Variants in SCEL observed in about 807,000 individuals in gnomAD.
The protein encoded by SCEL is sciellin.
A neutral mutation model predicts 117.6 loss-of-function variants in SCEL; 113 were observed. The observed-to-expected ratio is 0.96, with a 90% confidence interval of 0.83 to 1.12. The LOEUF is 1.12. SCEL is among the 50% of genes most tolerant of loss of function. SCEL has a pLI of 0.00. For missense variants in SCEL, 785 were observed against 810.8 expected (o/e 0.97, Z 0.39); for synonymous variants, 270 against 256.2 (o/e 1.05, Z -0.51).
At chr13:77,569,830 C>G (rs993197559) in intron 8 of SCEL, among the ~76,000 whole-genome samples, 2 of 152,168 alleles carry the variant, frequency 1.3e-5, no homozygotes, top group East Asian at 1.9e-4. Context: ...ATTGGGCTGG[C>G]CTTGCTTCCA....
At chr13:77,637,956 T>C (rs1006957731) in intron 30 of SCEL, among the ~76,000 whole-genome samples, 3 of 152,182 alleles carry the variant, frequency 2.0e-5, no homozygotes, top group African/African-American at 7.2e-5. Context: ...GGCATGCAGA[T>C]TTCCAGTGAA....
At chr13:77,549,483 C>T (rs1743315233) in intron 1 of SCEL, among the ~76,000 whole-genome samples, 1 of 152,174 alleles carries the variant, frequency 6.6e-6, no homozygotes, top group African/African-American at 2.4e-5. Flanking sequence ...TGCTATACCC[C>T]ATTGTTAGTT....
chr13:77,590,747 G>A (rs1197817635), intron 10 of SCEL, among the ~76,000 whole-genome samples: 1 of 152,140 alleles, frequency 6.6e-6, no homozygotes, highest in East Asian at 1.9e-4. Flanking sequence ...TGAAATGGAA[G>A]TGTTTCCTAT....
chr13:77,567,214 G>A (rs1567358465), intron 5 of SCEL, among the ~76,000 whole-genome samples: 1 of 152,194 alleles, frequency 6.6e-6, no homozygotes, highest in Non-Finnish European at 1.5e-5. Context: ...AGCACTTTAG[G>A]AGGTGGAGGC....
chr13:77,586,767 A>T (rs553402357), intron 9 of SCEL, among the ~76,000 whole-genome samples: 2 of 152,254 alleles, frequency 1.3e-5, no homozygotes, highest in South Asian at 4.2e-4. Flanking sequence ...CAGCATTTGG[A>T]GGGTTTATGC....
At chr13:77,566,184 G>A (rs764566527) in intron 5 of SCEL, among the ~76,000 whole-genome samples, 4 of 152,074 alleles carry the variant, frequency 2.6e-5, no homozygotes, top group Non-Finnish European at 5.9e-5. Flanking sequence ...ATGAGTTTTG[G>A]GAACAATCAT....
chr13:77,591,190 A>G (rs1002809614), intron 10 of SCEL, among the ~76,000 whole-genome samples: 1 of 152,188 alleles, frequency 6.6e-6, no homozygotes, highest in Non-Finnish European at 1.5e-5. Context: ...TGGTTTACAA[A>G]TATGCGATAA....
intron 4 of SCEL, among the ~76,000 whole-genome samples, chr13:77,562,669 G>A (rs980592797): frequency 1.3e-5 from 2 of 152,156 alleles, no homozygotes; most frequent in African/African-American, 4.8e-5. Flanking sequence ...GCTCTGTGTA[G>A]ATAGCAGCTA....
chr13:77,632,553 A>G (rs571170711), intron 28 of SCEL, among the ~76,000 whole-genome samples: 6 of 152,212 alleles, frequency 3.9e-5, no homozygotes, highest in Non-Finnish European at 5.9e-5. Context: ...GGTTTTCTGT[A>G]TGCCAGAGAT....
chr13:77,599,958 C>G, intron 15 of SCEL: 1 of 538,154 alleles, frequency 1.9e-6, no homozygotes, highest in East Asian at 3.0e-5. Context: ...CTGGAGAGCT[C>G]TGTTTCCTCA....
intron 8 of SCEL, among the ~76,000 whole-genome samples, chr13:77,569,859 CT>C (rs60712110): frequency 2.0e-4 from 30 of 152,294 alleles, no homozygotes; most frequent in Non-Finnish European, 4.0e-4. Flanking sequence ...GTCAAAGACC[CT>C]TTCTGGAGAC....
rs1370187282 is a variant in SCEL, at chr13:77,612,915, C to G, written c.1362C>G (p.Ile454Met). 6.4e-7 allele frequency: 1 copy of G among 1,561,682 alleles called. No individual in the cohort carries two copies. Among genetic ancestry groups the G allele is most frequent in the Admixed American group, 1.9e-5 (1 of 51,678 alleles). Residue 454 changes from isoleucine to methionine, a missense_variant, in exon 23 of 33, where the codon ATC (isoleucine) becomes ATG (methionine). Ile to Met is a conservative substitution (Grantham distance 10, BLOSUM62 1). Transcript: ENST00000349847. Reference sequence around the variant, plus strand: ...GGAACCAAGACTTGGAAAATCTTATCAAAGTGATCCCTTCAGCAAACAAAA... The same window carrying G: ...GGAACCAAGACTTGGAAAATCTTATGAAAGTGATCCCTTCAGCAAACAAAA... Reference protein sequence around the residue: ...NQGNQDLENLIKVIPSANKSS... With the variant: ...NQGNQDLENLMKVIPSANKSS...
chr13:77,546,814 C>T (rs78915293), intron 1 of SCEL, among the ~76,000 whole-genome samples: 2,799 of 152,218 alleles, frequency 0.018, 37 homozygotes, highest in Non-Finnish European at 0.029. Context: ...GGAACCGGGT[C>T]CCTTCTAACT....
At chr13:77,612,456 CTTTTTTTTTT>C (rs71102764) in intron 22 of SCEL, among the ~76,000 whole-genome samples, 28,975 of 95,134 alleles carry the variant, frequency 0.3, 3,994 homozygotes, top group African/African-American at 0.47. Context: ...TTTTTCTTTT[CTTTTTTTTTT>C]TTTTTTTTTT....
intron 27 of SCEL, among the ~76,000 whole-genome samples, chr13:77,619,975 T>A (rs928934458): frequency 6.6e-6 from 1 of 152,184 alleles, no homozygotes; most frequent in Admixed American, 6.5e-5. Context: ...GAGGCCAATT[T>A]GGTAGAAAGT....
chr13:77,616,002 C>G (rs968880351), intron 24 of SCEL, among the ~76,000 whole-genome samples: 26 of 141,918 alleles, frequency 1.8e-4, no homozygotes, highest in Non-Finnish European at 2.8e-4. Context: ...ATTTATGTCT[C>G]TCTGTGTGTG....
intron 7 of SCEL, 91 bp downstream of exon 7, chr13:77,568,424 A>G (rs1413207569): frequency 2.6e-5 from 19 of 726,916 alleles, no homozygotes; most frequent in Non-Finnish European, 4.5e-5. Context: ...ATTGGAATAC[A>G]GCCATGCCCC....
At chr13:77,588,058 T>C (rs529238720) in intron 9 of SCEL, among the ~76,000 whole-genome samples, 1 of 152,310 alleles carries the variant, frequency 6.6e-6, no homozygotes, top group East Asian at 1.9e-4. Context: ...TATATCTCCT[T>C]ATTCTGTTTT....
intron 5 of SCEL, among the ~76,000 whole-genome samples, chr13:77,567,368 A>C (rs2085346811): frequency 6.6e-6 from 1 of 152,142 alleles, no homozygotes; most frequent in Non-Finnish European, 1.5e-5. Flanking sequence ...GCAGTAGAAT[A>C]GCTTGAACCC....
Sources: gnomAD v4.1 joint callset for allele counts (sites outside exome capture counted in the v4.1 genomes callset) on GRCh38, gnomAD v4.1.1 for gene constraint, MANE v1.5 for transcripts, NCBI Gene and HGNC (gene_info 2026-07-23, HGNC 2026-07-21) for gene names.